CTNNA3: variants seen among roughly 807,000 people sequenced by gnomAD.
CTNNA3 encodes catenin alpha-3.
A neutral mutation model predicts 95.7 loss-of-function variants in CTNNA3; 76 were observed. The ratio of observed to expected loss-of-function variants is 0.79; its 90% CI spans 0.66 to 0.96. The LOEUF is 0.96. CTNNA3 is among the 40% of genes least tolerant of loss of function. The probability of loss-of-function intolerance (pLI) is 0.00; values close to 1 mark genes in which losing one functional copy is unlikely to be tolerated. For missense variants in CTNNA3, 1,191 were observed against 1,089.8 expected (o/e 1.09, Z -1.31); for synonymous variants, 431 against 374.4 (o/e 1.15, Z -1.74).
chr10:66,817,353 G>T (rs1325119543), intron 7 of CTNNA3, among the ~76,000 whole-genome samples: 4 of 151,846 alleles, frequency 2.6e-5, no homozygotes, highest in Admixed American at 2.6e-4. Flanking sequence ...AAAACCTACA[G>T]ATAAAAGTCA....
chr10:66,024,042 G>A (rs1411307250), intron 15 of CTNNA3, among the ~76,000 whole-genome samples: 4 of 146,302 alleles, frequency 2.7e-5, no homozygotes, highest in Admixed American at 1.4e-4. Flanking sequence ...TGAGTCAAAA[G>A]TATGTAGCTC....
At chr10:67,034,454 T>G (rs1853918201) in intron 7 of CTNNA3, among the ~76,000 whole-genome samples, 1 of 152,208 alleles carries the variant, frequency 6.6e-6, no homozygotes, top group Non-Finnish European at 1.5e-5. Flanking sequence ...CTATCACATC[T>G]TCTAGTGTCC....
At chr10:66,246,335 C>A (rs1264899488) in intron 13 of CTNNA3, among the ~76,000 whole-genome samples, 1 of 152,112 alleles carries the variant, frequency 6.6e-6, no homozygotes, top group Admixed American at 6.5e-5. Context: ...GGGGGTGGGG[C>A]TCCTGCTGGC....
rs574442869 is a variant in CTNNA3 at position 67,176,652 on chromosome 10, T to C, written c.1047+3665A>G. Among the ~76,000 whole-genome samples the C allele has an allele frequency of 3.8e-4, 58 of 152,340 alleles. No individual in the cohort carries two copies. In the South Asian group the frequency reaches 0.011, roughly 29 times the overall value. On this transcript the variant is annotated intron_variant, in intron 7 of 17. Transcript: ENST00000433211. ...GACATGGCAAGAGGGATTTTGCAGA[T>C]GTAATTAAGGTTAAGGGCCTTCAGA...
chr10:67,362,382 C>G (rs1464515723), intron 5 of CTNNA3, among the ~76,000 whole-genome samples: 1 of 152,104 alleles, frequency 6.6e-6, no homozygotes, highest in Non-Finnish European at 1.5e-5. Context: ...CAGCAAAATA[C>G]TAGCAAACCG....
chr10:66,435,700 T>A (rs2093332052), intron 11 of CTNNA3, among the ~76,000 whole-genome samples: 2 of 152,174 alleles, frequency 1.3e-5, no homozygotes, highest in Non-Finnish European at 2.9e-5. Context: ...CTGATCTTAG[T>A]TATTTCTTGT....
chr10:66,838,702 C>T (rs938723471), intron 7 of CTNNA3, among the ~76,000 whole-genome samples: 3 of 152,128 alleles, frequency 2.0e-5, no homozygotes, highest in Non-Finnish European at 4.4e-5. Flanking sequence ...TTTTACACTG[C>T]TGTATTATCA....
intron 11 of CTNNA3, among the ~76,000 whole-genome samples, chr10:66,394,728 T>C (rs1564924405): frequency 1.3e-5 from 2 of 151,878 alleles, no homozygotes; most frequent in Admixed American, 6.6e-5. Context: ...GATTGTCTTA[T>C]AAAAAAACAG....
intron 11 of CTNNA3, among the ~76,000 whole-genome samples, chr10:66,411,056 T>A (rs1389037590): frequency 6.6e-6 from 1 of 152,228 alleles, no homozygotes; most frequent in Non-Finnish European, 1.5e-5. Flanking sequence ...TTAGCTTCTC[T>A]CAACTTCAAT....
intron 14 of CTNNA3, among the ~76,000 whole-genome samples, chr10:66,074,609 T>C (rs552469728): frequency 6.6e-6 from 1 of 152,034 alleles, no homozygotes; most frequent in South Asian, 2.1e-4. Context: ...TCATATAGTA[T>C]ATGCCCCTTT....
chr10:66,465,262 T>G (rs1367089067), intron 11 of CTNNA3, among the ~76,000 whole-genome samples: 4 of 151,632 alleles, frequency 2.6e-5, no homozygotes, highest in African/African-American at 9.8e-5. Context: ...CCATGAAATA[T>G]CCCTCTTGGG....
chr10:66,619,126 G>C (rs901341434), intron 10 of CTNNA3, among the ~76,000 whole-genome samples: 2 of 151,578 alleles, frequency 1.3e-5, no homozygotes, highest in African/African-American at 2.4e-5. Context: ...CTGTAAACTA[G>C]TTCAACCATT....
chr10:66,650,663 T>C (rs1845862318), intron 9 of CTNNA3, among the ~76,000 whole-genome samples: 1 of 152,158 alleles, frequency 6.6e-6, no homozygotes, highest in South Asian at 2.1e-4. Context: ...GGTGGGTTCG[T>C]GGTCTCGCTG....
chr10:67,325,963 T>C (rs1193323865), intron 5 of CTNNA3, among the ~76,000 whole-genome samples: 2 of 152,170 alleles, frequency 1.3e-5, no homozygotes, highest in Admixed American at 1.3e-4. Context: ...CTTGACCCCT[T>C]TACTATTATG....
chr10:66,104,741 G>T (rs2081816046), intron 13 of CTNNA3, among the ~76,000 whole-genome samples: 2 of 152,158 alleles, frequency 1.3e-5, no homozygotes, highest in African/African-American at 4.8e-5. Context: ...ATGTCCTTGG[G>T]CCTGCATCTT....
chr10:66,798,236 C>T (rs1841289258), intron 7 of CTNNA3, among the ~76,000 whole-genome samples: 1 of 151,630 alleles, frequency 6.6e-6, no homozygotes, highest in African/African-American at 2.4e-5. Context: ...CTAAAATACC[C>T]ATGGAAACAT....
chr10:66,489,299 T>C (rs932893667), intron 11 of CTNNA3, among the ~76,000 whole-genome samples: 1 of 152,004 alleles, frequency 6.6e-6, no homozygotes, highest in Non-Finnish European at 1.5e-5. Flanking sequence ...CATGAGAGAG[T>C]TTCAGTTACA....
intron 11 of CTNNA3, among the ~76,000 whole-genome samples, chr10:66,403,140 G>A (rs1410671008): frequency 6.6e-6 from 1 of 152,104 alleles, no homozygotes; most frequent in Non-Finnish European, 1.5e-5. Flanking sequence ...GATTTTGCCT[G>A]TATCTTCTGC....
chr10:66,698,428 C>T (rs1427271741), intron 9 of CTNNA3, among the ~76,000 whole-genome samples: 1 of 152,114 alleles, frequency 6.6e-6, no homozygotes, highest in Non-Finnish European at 1.5e-5. Context: ...CTATCACTTA[C>T]CCAAAATACC....
Sources: gnomAD v4.1 joint callset for allele counts (sites outside exome capture counted in the v4.1 genomes callset) on GRCh38, gnomAD v4.1.1 for gene constraint, MANE v1.5 for transcripts, NCBI Gene and HGNC (gene_info 2026-07-23, HGNC 2026-07-21) for gene names.